The following WWOX variants were observed in gnomAD, a reference collection of about 807,000 sequenced individuals.
WWOX encodes WW domain containing oxidoreductase.
Under a neutral mutation model 46.2 loss-of-function variants are expected in WWOX, and 69 were observed. The ratio of observed to expected loss-of-function variants is 1.49; its 90% CI spans 1.23 to 1.82. WWOX has a LOEUF of 1.82. Among genes scored for constraint, WWOX ranks in the 40% most tolerant of loss-of-function variants. The pLI, the probability that WWOX is intolerant of heterozygous loss-of-function variation, is 0.00. For synonymous variants in WWOX, 359 were observed against 202.6 expected, an observed-to-expected ratio of 1.77 and a Z score of -6.56; for missense variants, 919 against 542.6, an observed-to-expected ratio of 1.69 and a Z score of -6.89.
chr16:78,414,797 A>C (rs1333408189), intron 6 of WWOX, among the ~76,000 whole-genome samples: 1 of 152,126 alleles, frequency 6.6e-6, no homozygotes, highest in Non-Finnish European at 1.5e-5. Context: ...TGTTATTTAA[A>C]CTATAAACGA....
chr16:78,647,599 C>G (rs982595935), intron 8 of WWOX, among the ~76,000 whole-genome samples: 1 of 152,208 alleles, frequency 6.6e-6, no homozygotes, highest in Non-Finnish European at 1.5e-5. Context: ...GATTCCTCCC[C>G]ATTCTATAAA....
chr16:78,145,292 G>T (rs1365387145), intron 4 of WWOX, among the ~76,000 whole-genome samples: 1 of 152,098 alleles, frequency 6.6e-6, no homozygotes, highest in Non-Finnish European at 1.5e-5. Flanking sequence ...ACAAGCTGAG[G>T]GACAAGGAAG....
intron 8 of WWOX, among the ~76,000 whole-genome samples, chr16:79,043,891 T>G (rs2048018498): frequency 6.6e-6 from 1 of 152,198 alleles, no homozygotes; most frequent in African/African-American, 2.4e-5. Context: ...GGCCAGTAGT[T>G]GTAGCAAAAG....
chr16:78,433,909 C>T (rs1186499283), intron 8 of WWOX, among the ~76,000 whole-genome samples: 1 of 150,846 alleles, frequency 6.6e-6, no homozygotes, highest in Non-Finnish European at 1.5e-5. Context: ...CCTGCCTCAG[C>T]CTCCCAAGTA....
At chr16:78,917,817 T>C (rs1250031511) in intron 8 of WWOX, among the ~76,000 whole-genome samples, 2 of 152,096 alleles carry the variant, frequency 1.3e-5, no homozygotes, top group Non-Finnish European at 2.9e-5. Flanking sequence ...TATTGTGGAA[T>C]GAAAATGATA....
intron 8 of WWOX, among the ~76,000 whole-genome samples, chr16:79,200,439 C>T (rs768678323): frequency 1.3e-5 from 2 of 152,156 alleles, no homozygotes; most frequent in Non-Finnish European, 2.9e-5. Flanking sequence ...ACCCAGACCT[C>T]AGTTTGAATC....
chr16:79,169,754 C>T (rs904491891), intron 8 of WWOX, among the ~76,000 whole-genome samples: 10 of 152,184 alleles, frequency 6.6e-5, no homozygotes, highest in African/African-American at 1.9e-4. Context: ...CCCAACCTTG[C>T]CACAGCCTCC....
At chr16:78,855,712 G>T (rs111399700) in intron 8 of WWOX, among the ~76,000 whole-genome samples, 150 of 152,274 alleles carry the variant, frequency 9.9e-4, no homozygotes, top group African/African-American at 3.5e-3. Flanking sequence ...TTGTTTATTG[G>T]TTGGGGTGGA....
intron 8 of WWOX, among the ~76,000 whole-genome samples, chr16:78,870,324 A>G (rs2044099317): frequency 6.6e-6 from 1 of 152,158 alleles, no homozygotes; most frequent in African/African-American, 2.4e-5. Context: ...CATTCTAAGA[A>G]TCATAAGTTT....
chr16:78,910,128 C>T (rs777404875), intron 8 of WWOX, among the ~76,000 whole-genome samples: 9 of 151,866 alleles, frequency 5.9e-5, no homozygotes, highest in East Asian at 3.9e-4. Flanking sequence ...AAATATTCCT[C>T]GTCTGTCCTT....
intron 8 of WWOX, among the ~76,000 whole-genome samples, chr16:78,460,552 G>A (rs1597116650): frequency 6.6e-6 from 1 of 152,104 alleles, no homozygotes; most frequent in Non-Finnish European, 1.5e-5. Context: ...CACCATACTA[G>A]CTCTTCCACA....
intron 8 of WWOX, among the ~76,000 whole-genome samples, chr16:78,824,234 C>G (rs1001382200): frequency 6.6e-6 from 1 of 152,164 alleles, no homozygotes; most frequent in Non-Finnish European, 1.5e-5. Context: ...CATGTAGACA[C>G]ATTTAGATGC....
intron 8 of WWOX, among the ~76,000 whole-genome samples, chr16:78,822,104 G>A (rs1022499936): frequency 2.0e-5 from 3 of 152,044 alleles, no homozygotes; most frequent in Non-Finnish European, 4.4e-5. Context: ...CTAAACTCCT[G>A]GCTACAAGTG....
intron 8 of WWOX, among the ~76,000 whole-genome samples, chr16:78,576,154 GAAACTTC>G (rs1445394891): frequency 1.3e-5 from 2 of 152,040 alleles, no homozygotes; most frequent in African/African-American, 4.8e-5. Flanking sequence ...ATTTTTAAAA[GAAACTTC>G]AATATGCTAT....
At chr16:78,777,750 A>G (rs1003218618) in intron 8 of WWOX, among the ~76,000 whole-genome samples, 1 of 152,198 alleles carries the variant, frequency 6.6e-6, no homozygotes, top group African/African-American at 2.4e-5. Context: ...CACTTTGCAT[A>G]GAAACTCACA....
At chr16:78,870,514 A>C (rs1443837387) in intron 8 of WWOX, among the ~76,000 whole-genome samples, 2 of 151,968 alleles carry the variant, frequency 1.3e-5, no homozygotes, top group Admixed American at 6.6e-5. Context: ...TAAAAAAAAA[A>C]CAAAAAACCC....
intron 8 of WWOX, among the ~76,000 whole-genome samples, chr16:78,800,810 T>C (rs1227396597): frequency 6.6e-6 from 1 of 152,132 alleles, no homozygotes; most frequent in East Asian, 1.9e-4. Flanking sequence ...CAAACTTCTC[T>C]TGAGATAGCA....
chr16:78,922,080 G>C (rs1174618594), intron 8 of WWOX, among the ~76,000 whole-genome samples: 2 of 152,166 alleles, frequency 1.3e-5, no homozygotes, highest in East Asian at 1.9e-4. Context: ...GTCAGACAGA[G>C]AAACTCACCT....
At chr16:79,021,587 C>T (rs1415356038) in intron 8 of WWOX, among the ~76,000 whole-genome samples, 8 of 152,046 alleles carry the variant, frequency 5.3e-5, no homozygotes, top group African/African-American at 1.7e-4. Flanking sequence ...TGGGTGAAAA[C>T]GATGTTTGGA....
Sources: gnomAD v4.1 joint callset for allele counts (sites outside exome capture counted in the v4.1 genomes callset) on GRCh38, gnomAD v4.1.1 for gene constraint, MANE v1.5 for transcripts, NCBI Gene and HGNC (gene_info 2026-07-23, HGNC 2026-07-21) for gene names.